The following ATL2 variants were observed in gnomAD, a reference collection of about 807,000 sequenced individuals.
ATL2 encodes the protein atlastin-2.
Under a neutral mutation model 73.9 loss-of-function variants are expected in ATL2, and 31 were observed. That is an observed-to-expected ratio of 0.42 (90% CI 0.32 to 0.57). ATL2 has a LOEUF of 0.57. Among genes scored for constraint, ATL2 ranks in the 20% least tolerant of loss-of-function variants. The probability of loss-of-function intolerance (pLI) is 0.14; values close to 1 mark genes in which losing one functional copy is unlikely to be tolerated. For missense variants in ATL2, 738 were observed against 702.6 expected (o/e 1.05, Z -0.57); for synonymous variants, 291 against 237.5 (o/e 1.23, Z -2.07).
chr2:38,374,737 C>T (rs1446760985), intron 1 of ATL2, among the ~76,000 whole-genome samples: 4 of 152,194 alleles, frequency 2.6e-5, no homozygotes, highest in African/African-American at 7.2e-5. Context: ...TCAGTCTCCC[C>T]GTACTCTTAG....
intron 12 of ATL2, chr2:38,296,847 T>C: frequency 8.3e-7 from 1 of 1,204,518 alleles, no homozygotes; most frequent in Non-Finnish European, 1.1e-6. Flanking sequence ...TGTTTTGTAA[T>C]AATGGTACCT....
intron 2 of ATL2, among the ~76,000 whole-genome samples, chr2:38,324,673 C>T (rs1668500059): frequency 6.6e-6 from 1 of 152,200 alleles, no homozygotes; most frequent in Non-Finnish European, 1.5e-5. Context: ...AAAAGGACAA[C>T]TCTAACTACT....
chr2:38,373,719 A>C lies in ATL2; in HGVS notation c.118+3424T>G, dbSNP rs1294455096. Among the ~76,000 whole-genome samples the C allele has an allele frequency of 3.9e-5, 6 of 152,348 alleles. No individual in the cohort carries two copies. The East Asian group carries it at 1.2e-3, about 29-fold the overall frequency. On this transcript the variant is annotated intron_variant, in intron 1 of 12. Coordinates refer to ENST00000378954, the MANE Select transcript of ATL2 (RefSeq NM_001135673.4). Reference sequence around the variant, plus strand: ...CAGAGACACGTTCCATAACTTGGAAAATCATCTGTAAAAGTTATTTTGGCT... The same window carrying C: ...CAGAGACACGTTCCATAACTTGGAACATCATCTGTAAAAGTTATTTTGGCT...
chr2:38,313,520 A>T (rs1000462092), intron 6 of ATL2, among the ~76,000 whole-genome samples: 5 of 152,310 alleles, frequency 3.3e-5, no homozygotes, highest in African/African-American at 1.2e-4. Context: ...AAAATGAAAA[A>T]TGGGTGTATC....
At chr2:38,301,678 AG>A (rs1220520053) in intron 9 of ATL2, among the ~76,000 whole-genome samples, 1 of 152,240 alleles carries the variant, frequency 6.6e-6, no homozygotes, top group Non-Finnish European at 1.5e-5. Context: ...AATTTAGACC[AG>A]CCCTAGGCAG....
At position 38,337,748 on chromosome 2, in the gene ATL2, T is replaced by C. The variant is rs74258914; in HGVS notation, c.363+5520A>G. On this transcript the variant is annotated intron_variant, in intron 2 of 12. Transcript: ENST00000378954. ...GAATTGATAAGTGCTAAAAATTGTT[T>C]AGTATATGGGCATTTATTATATTAT... Among the ~76,000 whole-genome samples, 1,036 of 152,100 alleles carry C rather than the reference T, an allele frequency of 6.8e-3. 12 individuals are homozygous for C. The highest frequency in any genetic ancestry group is 0.057 in the East Asian group (294 of 5,186).
chr2:38,308,394 A>G (rs1667567552), intron 9 of ATL2, among the ~76,000 whole-genome samples: 2 of 152,206 alleles, frequency 1.3e-5, no homozygotes, highest in African/African-American at 4.8e-5. Context: ...TGTGGGAGCT[A>G]AAAATTTAAA....
At chr2:38,367,603 A>AAC (rs1553342589) in intron 1 of ATL2, among the ~76,000 whole-genome samples, 9 of 141,304 alleles carry the variant, frequency 6.4e-5, no homozygotes, top group African/African-American at 2.6e-4. Flanking sequence ...TCAAAAAAAA[A>AAC]AAAAAAAAAA....
At chr2:38,376,166 T>C (rs1671950781) in intron 1 of ATL2, 3 of 1,530,430 alleles carry the variant, frequency 2.0e-6, no homozygotes, top group South Asian at 1.2e-5. Context: ...CTTTATGCCT[T>C]TCTTAAGTAC....
chr2:38,358,574 C>A, intron 1 of ATL2: 2 of 322,850 alleles, frequency 6.2e-6, no homozygotes, highest in South Asian at 4.2e-5. Flanking sequence ...CGCCTGTAGT[C>A]CCAGATACTC....
intron 2 of ATL2, among the ~76,000 whole-genome samples, chr2:38,328,916 T>C (rs969883248): frequency 6.6e-6 from 1 of 151,044 alleles, no homozygotes; most frequent in African/African-American, 2.4e-5. Context: ...ATCAATATAA[T>C]TAACTGAAGA....
chr2:38,372,445 G>C (rs1671744242), intron 1 of ATL2, among the ~76,000 whole-genome samples: 1 of 152,132 alleles, frequency 6.6e-6, no homozygotes, highest in East Asian at 1.9e-4. Context: ...ATGTTCCAGG[G>C]ACTGGAACAT....
intron 2 of ATL2, among the ~76,000 whole-genome samples, chr2:38,333,350 G>A (rs1669113271): frequency 6.6e-6 from 1 of 152,140 alleles, no homozygotes; most frequent in Admixed American, 6.6e-5. Context: ...TGTCCTGGCA[G>A]AGTGAGGGAA....
At chr2:38,371,458 G>A (rs149140627) in intron 1 of ATL2, among the ~76,000 whole-genome samples, 1,810 of 152,162 alleles carry the variant, frequency 0.012, 24 homozygotes, top group Non-Finnish European at 0.018. Context: ...CGGTGATCAC[G>A]CCACTGCACT....
intron 9 of ATL2, among the ~76,000 whole-genome samples, chr2:38,306,541 C>T (rs1667457080): frequency 6.6e-6 from 1 of 152,186 alleles, no homozygotes; most frequent in South Asian, 2.1e-4. Flanking sequence ...TCATCATCAC[C>T]TAGGGTCAGG....
rs1374595559 is a variant in ATL2 at position 38,295,965 on chromosome 2, G to C, written c.*29C>G. 6.8e-7 allele frequency: 1 copy of C among 1,472,872 alleles called. No individual in the cohort carries two copies. Among genetic ancestry groups the C allele is most frequent in the Non-Finnish European group, 9.2e-7 (1 of 1,085,758 alleles). The allele number at this position is 1,472,872 out of a possible 1,614,324, so 91.2% of individuals were successfully genotyped here. A position where few individuals can be genotyped will look rare whatever the true frequency, so the allele number is the denominator to read the frequency against. On this transcript the variant is annotated 3_prime_UTR_variant, in exon 13 of 13. Transcript: ENST00000378954. ...TTGTACAGCAAGCATGAAAAAAAAA[G>C]AGAGTGGAGTCCGTGAGGAGATGAA...
At chr2:38,359,142 CAACA>C (rs1445670755) in intron 1 of ATL2, among the ~76,000 whole-genome samples, 1 of 152,102 alleles carries the variant, frequency 6.6e-6, no homozygotes, top group Non-Finnish European at 1.5e-5. Flanking sequence ...TTCTAGCCAA[CAACA>C]AAAGACCATC....
chr2:38,311,030 A>C (rs1212836584), intron 7 of ATL2, among the ~76,000 whole-genome samples: 1 of 152,214 alleles, frequency 6.6e-6, no homozygotes, highest in East Asian at 1.9e-4. Context: ...CTAATAACCA[A>C]ATAACAAATT....
intron 7 of ATL2, among the ~76,000 whole-genome samples, chr2:38,310,756 G>C (rs776277066): frequency 2.7e-5 from 4 of 150,814 alleles, no homozygotes. Context: ...TCCTGCCTCA[G>C]CCTCCCGAGT....
Sources: gnomAD v4.1 joint callset for allele counts (sites outside exome capture counted in the v4.1 genomes callset) on GRCh38, gnomAD v4.1.1 for gene constraint, MANE v1.5 for transcripts, NCBI Gene and HGNC (gene_info 2026-07-23, HGNC 2026-07-21) for gene names.